Variants in CNTN4 observed in about 807,000 individuals in gnomAD.
CNTN4 encodes contactin 4.
In CNTN4, 77 loss-of-function variants were observed where a neutral mutation model predicts 122.5. The ratio of observed to expected loss-of-function variants is 0.63; its 90% confidence interval spans 0.52 to 0.76. CNTN4 has a LOEUF of 0.76. CNTN4 is among the 30% of genes least tolerant of loss of function. The pLI is 0.00. For missense variants in CNTN4, 1,256 were observed against 1,259.1 expected (o/e 1.00, Z 0.04); for synonymous variants, 512 against 447.0 (o/e 1.15, Z -1.83).
chr3:2,658,311 T>C (rs1242253494), intron 4 of CNTN4, among the ~76,000 whole-genome samples: 1 of 151,870 alleles, frequency 6.6e-6, no homozygotes, highest in Non-Finnish European at 1.5e-5. Flanking sequence ...TTTCACCCAA[T>C]AAAACCCTGT....
Position 2,839,291 on chromosome 3 carries a change from A to G in CNTN4, c.454+19710A>G, listed in dbSNP as rs371928631. On this transcript the variant is annotated intron_variant, in intron 7 of 24. Transcript: ENST00000418658. ...AAAGAATTCTCTGAAGTAAATCACA[A>G]GTGCCTTTAAGATTCTGGCTGGATT... 2.6e-5 allele frequency among the ~76,000 whole-genome samples: 4 copies of G among 152,288 alleles called. No homozygotes were observed. The East Asian group carries it at 7.7e-4, about 29-fold the overall frequency.
chr3:2,392,164 T>C (rs2046463784), intron 3 of CNTN4, among the ~76,000 whole-genome samples: 1 of 152,176 alleles, frequency 6.6e-6, no homozygotes. Context: ...CCAAATCCAC[T>C]TGGCTATCTT....
At chr3:2,911,118 A>T (rs980109781) in intron 12 of CNTN4, among the ~76,000 whole-genome samples, 4 of 150,206 alleles carry the variant, frequency 2.7e-5, no homozygotes, top group Non-Finnish European at 4.5e-5. Context: ...GGGAAGTACT[A>T]CCTAAGGGAG....
intron 6 of CNTN4, among the ~76,000 whole-genome samples, chr3:2,804,613 T>C (rs1473272684): frequency 6.6e-6 from 1 of 152,184 alleles, no homozygotes; most frequent in Non-Finnish European, 1.5e-5. Context: ...CTGAATTAGC[T>C]AACATACAAC....
chr3:2,217,009 C>T (rs1337699574), intron 2 of CNTN4, among the ~76,000 whole-genome samples: 1 of 152,174 alleles, frequency 6.6e-6, no homozygotes. Flanking sequence ...CTTGGCCCCA[C>T]ATTCTGAAAA....
chr3:2,879,557 G>A (rs997030094), intron 8 of CNTN4, among the ~76,000 whole-genome samples: 2 of 152,052 alleles, frequency 1.3e-5, no homozygotes, highest in African/African-American at 2.4e-5. Context: ...GATCAATCTC[G>A]AAAACGCTAT....
At chr3:2,797,274 G>A (rs747660962) in intron 6 of CNTN4, among the ~76,000 whole-genome samples, 13 of 152,178 alleles carry the variant, frequency 8.5e-5, no homozygotes, top group Non-Finnish European at 1.5e-4. Context: ...GATTACAGGC[G>A]TGAACCACCA....
chr3:2,285,680 T>G (rs2041876469), intron 2 of CNTN4, among the ~76,000 whole-genome samples: 1 of 152,106 alleles, frequency 6.6e-6, no homozygotes, highest in Non-Finnish European at 1.5e-5. Context: ...CCAAGGTAAT[T>G]AGTTTTCTGT....
At chr3:2,757,979 C>G (rs1361455187) in intron 6 of CNTN4, among the ~76,000 whole-genome samples, 1 of 152,172 alleles carries the variant, frequency 6.6e-6, no homozygotes, top group Non-Finnish European at 1.5e-5. Context: ...TGTTATCTGT[C>G]ATTAGCATTT....
chr3:2,590,017 A>G (rs1288184035), intron 4 of CNTN4, among the ~76,000 whole-genome samples: 5 of 152,180 alleles, frequency 3.3e-5, no homozygotes, highest in Non-Finnish European at 5.9e-5. Context: ...TATATTTTAG[A>G]AGGGGGAGTG....
At chr3:2,528,031 A>C (rs1386938370) in intron 3 of CNTN4, among the ~76,000 whole-genome samples, 1 of 152,212 alleles carries the variant, frequency 6.6e-6, no homozygotes, top group African/African-American at 2.4e-5. Context: ...TTTCTAAAAC[A>C]ATCAGTGTAC....
At chr3:2,234,460 A>T (rs1014529381) in intron 2 of CNTN4, among the ~76,000 whole-genome samples, 1 of 151,152 alleles carries the variant, frequency 6.6e-6, no homozygotes, top group African/African-American at 2.4e-5. Context: ...GTCTCTGCTC[A>T]TCTCATTTAT....
At chr3:2,475,679 T>C (rs1398556075) in intron 3 of CNTN4, among the ~76,000 whole-genome samples, 1 of 152,158 alleles carries the variant, frequency 6.6e-6, no homozygotes, top group Non-Finnish European at 1.5e-5. Flanking sequence ...TATTGGTGGT[T>C]CAGGATGCAC....
intron 2 of CNTN4, among the ~76,000 whole-genome samples, chr3:2,159,103 C>G (rs1394229881): frequency 1.3e-5 from 2 of 152,104 alleles, no homozygotes; most frequent in African/African-American, 4.8e-5. Context: ...ATAACTTCTT[C>G]CTGGAGCACC....
chr3:2,473,937 G>A lies in CNTN4; in HGVS notation c.-88-97479G>A, dbSNP rs373828129. Among the ~76,000 whole-genome samples the A allele has an allele frequency of 2.3e-3, 354 of 151,966 alleles. 18 individuals carry two copies. In the South Asian group the frequency reaches 0.071, roughly 31 times the overall value. On this transcript the variant is annotated intron_variant, in intron 3 of 24. Coordinates refer to ENST00000418658, the MANE Select transcript of CNTN4 (RefSeq NM_175607.3). ...TGAGGCAGGAGAATCACTTGAACTC[G>A]GGGGAGGCGAAGGTTGTGGTGAGCC...
At chr3:2,423,201 G>C (rs998789023) in intron 3 of CNTN4, among the ~76,000 whole-genome samples, 1 of 152,174 alleles carries the variant, frequency 6.6e-6, no homozygotes, top group Non-Finnish European at 1.5e-5. Flanking sequence ...ACAAGTTGTT[G>C]CCTTTCTTTC....
At chr3:2,903,608 A>C (rs1271251332) in intron 12 of CNTN4, among the ~76,000 whole-genome samples, 1 of 151,330 alleles carries the variant, frequency 6.6e-6, no homozygotes, top group Non-Finnish European at 1.5e-5. Context: ...CATTTCTGTA[A>C]CTCCTTCTCA....
intron 5 of CNTN4, among the ~76,000 whole-genome samples, chr3:2,741,906 A>G (rs1353376392): frequency 6.6e-6 from 1 of 152,244 alleles, no homozygotes; most frequent in East Asian, 1.9e-4. Context: ...TTAGATTTCC[A>G]GGAAACACTG....
chr3:2,543,013 T>C (rs565120537), intron 3 of CNTN4, among the ~76,000 whole-genome samples: 12 of 152,282 alleles, frequency 7.9e-5, no homozygotes, highest in Admixed American at 3.9e-4. Flanking sequence ...CACAGATTAA[T>C]TTTATGAAAG....
Sources: gnomAD v4.1 joint callset for allele counts (sites outside exome capture counted in the v4.1 genomes callset) on GRCh38, gnomAD v4.1.1 for gene constraint, MANE v1.5 for transcripts, NCBI Gene and HGNC (gene_info 2026-07-23, HGNC 2026-07-21) for gene names.